ADGRB3: variants seen among roughly 807,000 people sequenced by gnomAD.
ADGRB3 encodes the protein adhesion G protein-coupled receptor B3.
A neutral mutation model predicts 193.4 loss-of-function variants in ADGRB3; 37 were observed. The ratio of observed to expected loss-of-function variants is 0.19; its 90% confidence interval spans 0.15 to 0.25. ADGRB3 has a LOEUF of 0.25. Ranked by LOEUF, ADGRB3 falls within the 10% of genes least tolerant of loss-of-function variation. The pLI is 1.00. For synonymous variants in ADGRB3, 690 were observed against 644.2 expected (o/e 1.07, Z -1.08); for missense variants, 1,637 against 1,852.9 (o/e 0.88, Z 2.14).
intron 3 of ADGRB3, among the ~76,000 whole-genome samples, chr6:68,713,142 A>G (rs1486490526): frequency 2.6e-5 from 4 of 151,914 alleles, no homozygotes. Flanking sequence ...CTAATTAGGG[A>G]TACCATATGG....
chr6:69,336,034 A>G (rs1190549039), intron 24 of ADGRB3, among the ~76,000 whole-genome samples: 1 of 151,980 alleles, frequency 6.6e-6, no homozygotes, highest in Non-Finnish European at 1.5e-5. Context: ...TATTTTTTCT[A>G]CTGAAATTCT....
intron 3 of ADGRB3, among the ~76,000 whole-genome samples, chr6:68,645,408 T>C (rs1768185865): frequency 6.6e-6 from 1 of 152,202 alleles, no homozygotes; most frequent in Non-Finnish European, 1.5e-5. Context: ...TGTGGAAATT[T>C]CTTCCCGATT....
intron 3 of ADGRB3, among the ~76,000 whole-genome samples, chr6:68,646,785 A>T (rs569862847): frequency 7.9e-5 from 12 of 152,232 alleles, no homozygotes; most frequent in Non-Finnish European, 1.6e-4. Flanking sequence ...GAACCATTTG[A>T]AACTTTTAAT....
At chr6:69,094,892 A>C (rs1056100777) in intron 17 of ADGRB3, among the ~76,000 whole-genome samples, 1 of 152,216 alleles carries the variant, frequency 6.6e-6, no homozygotes, top group Non-Finnish European at 1.5e-5. Context: ...AGATCATTAT[A>C]AAATGAAACT....
rs572168153 is a variant in ADGRB3, at chr6:69,125,827, T to C, written c.2480+49789T>C. 4.4e-4 allele frequency among the ~76,000 whole-genome samples: 67 copies of C among 152,320 alleles called. 1 individual carries two copies. The highest frequency in any genetic ancestry group is 1.5e-3 in the African/African-American group (63 of 41,552). ...TGCTTACCTCCCACTTTGAAGGCAATTTGTTCTGTTCTGGTATCTCTTTCA... is the reference window on the plus strand; with the variant it reads ...TGCTTACCTCCCACTTTGAAGGCAACTTGTTCTGTTCTGGTATCTCTTTCA... On this transcript the variant is annotated intron_variant, in intron 17 of 31. Transcript: ENST00000370598.
intron 3 of ADGRB3, among the ~76,000 whole-genome samples, chr6:68,684,218 G>A (rs1481011651): frequency 1.3e-5 from 2 of 151,998 alleles, no homozygotes; most frequent in Non-Finnish European, 2.9e-5. Context: ...CTGCCCTCTG[G>A]TTGTCCCTGT....
intron 6 of ADGRB3, among the ~76,000 whole-genome samples, chr6:68,955,458 T>A (rs927356349): frequency 6.6e-6 from 1 of 152,198 alleles, no homozygotes; most frequent in African/African-American, 2.4e-5. Flanking sequence ...CATCTTTGAG[T>A]GATCAATAAA....
Position 68,942,508 on chromosome 6 carries a change from T to G in ADGRB3, c.1031-1322T>G, listed in dbSNP as rs553485219. Among the ~76,000 whole-genome samples, 16 of 152,282 alleles carry G rather than the reference T, an allele frequency of 1.1e-4. No individual in the cohort carries two copies. The East Asian group carries it at 1.7e-3, about 17-fold the overall frequency. Reference sequence around the variant, plus strand: ...AAAAAGCACATTTTTTCTCATTCCTTTTTATTGATGTTGTCTATTAGGGTG... The same window carrying G: ...AAAAAGCACATTTTTTCTCATTCCTGTTTATTGATGTTGTCTATTAGGGTG... On this transcript the variant is annotated intron_variant, in intron 5 of 31. Transcript: ENST00000370598.
At chr6:69,235,442 T>A (rs1422185995) in intron 19 of ADGRB3, among the ~76,000 whole-genome samples, 3 of 152,088 alleles carry the variant, frequency 2.0e-5, no homozygotes, top group Non-Finnish European at 4.4e-5. Context: ...AAGTTCAATC[T>A]ATTTGTGGTT....
intron 8 of ADGRB3, among the ~76,000 whole-genome samples, chr6:68,965,426 G>A (rs2150260539): frequency 6.9e-6 from 1 of 144,952 alleles, no homozygotes; most frequent in South Asian, 2.2e-4. Flanking sequence ...TTTGAAATGT[G>A]GGTTCTTGAG....
At chr6:68,980,186 A>G (rs1310628545) in intron 10 of ADGRB3, among the ~76,000 whole-genome samples, 2 of 151,536 alleles carry the variant, frequency 1.3e-5, no homozygotes, top group Non-Finnish European at 3.0e-5. Context: ...CTATGATTCA[A>G]ATCTTCATTA....
intron 15 of ADGRB3, among the ~76,000 whole-genome samples, chr6:69,050,903 G>T (rs1344634662): frequency 6.6e-6 from 1 of 152,020 alleles, no homozygotes; most frequent in Non-Finnish European, 1.5e-5. Context: ...AAATTTTTTA[G>T]ATTAGTTTCC....
chr6:69,221,620 G>A (rs576656198), intron 17 of ADGRB3, among the ~76,000 whole-genome samples: 2 of 152,238 alleles, frequency 1.3e-5, no homozygotes, highest in African/African-American at 4.8e-5. Flanking sequence ...TACAAAAGAG[G>A]TCCTTCTTCA....
intron 3 of ADGRB3, among the ~76,000 whole-genome samples, chr6:68,861,420 G>A (rs1219350583): frequency 1.3e-5 from 2 of 151,974 alleles, no homozygotes; most frequent in Non-Finnish European, 2.9e-5. Flanking sequence ...AAATTAGCCG[G>A]GCGTGGTGGC....
chr6:68,875,228 C>G (rs1765565425), intron 3 of ADGRB3, among the ~76,000 whole-genome samples: 1 of 50,488 alleles, frequency 2.0e-5, no homozygotes, highest in South Asian at 8.9e-4. Context: ...CCCCCTTCCT[C>G]TCCCCCTCCC....
chr6:69,223,985 T>G (rs1765954930), intron 17 of ADGRB3, among the ~76,000 whole-genome samples: 1 of 151,998 alleles, frequency 6.6e-6, no homozygotes, highest in South Asian at 2.1e-4. Context: ...AAAGAATTTT[T>G]TTTTTCAGAT....
chr6:68,671,726 T>A (rs761144918), intron 3 of ADGRB3, among the ~76,000 whole-genome samples: 36 of 151,934 alleles, frequency 2.4e-4, no homozygotes, highest in Non-Finnish European at 4.7e-4. Flanking sequence ...TTTGTTTTGT[T>A]TTGTTTTGAT....
At chr6:69,293,797 C>A (rs777663192) in intron 20 of ADGRB3, among the ~76,000 whole-genome samples, 14 of 152,044 alleles carry the variant, frequency 9.2e-5, no homozygotes, top group Non-Finnish European at 2.1e-4. Flanking sequence ...AGGCCGGGGA[C>A]CTACCCACCT....
intron 17 of ADGRB3, among the ~76,000 whole-genome samples, chr6:69,104,589 TG>T (rs1773158574): frequency 6.6e-6 from 1 of 152,110 alleles, no homozygotes; most frequent in East Asian, 1.9e-4. Flanking sequence ...TATAGGCAAA[TG>T]AAATCATGTA....
Sources: allele counts gnomAD v4.1 joint callset (sites outside exome capture counted in the v4.1 genomes callset), GRCh38; gene constraint gnomAD v4.1.1; transcripts MANE v1.5; gene names NCBI Gene and HGNC (gene_info 2026-07-23, HGNC 2026-07-21).